Variants in SBF2 observed in about 807,000 individuals in gnomAD.
SBF2 encodes SET binding factor 2.
SBF2 carries 112 observed loss-of-function variants against 225.2 expected under a neutral mutation model. That is an observed-to-expected ratio of 0.50 (90% CI 0.43 to 0.58). The LOEUF is 0.58. SBF2 is among the 20% of genes least tolerant of loss of function. The probability of loss-of-function intolerance (pLI) is 0.00; values close to 1 mark genes in which losing one functional copy is unlikely to be tolerated. For missense variants in SBF2, 1,996 were observed against 2,206.2 expected (o/e 0.90, Z 1.91); for synonymous variants, 763 against 773.3 (o/e 0.99, Z 0.22).
intron 2 of SBF2, among the ~76,000 whole-genome samples, chr11:10,169,434 CAA>C (rs921395425): frequency 1.3e-5 from 2 of 152,206 alleles, no homozygotes; most frequent in East Asian, 1.9e-4. Flanking sequence ...TGAGAATGTG[CAA>C]AGTTTGTCTT....
chr11:10,104,173 C>T (rs1026195859), intron 2 of SBF2, among the ~76,000 whole-genome samples: 1 of 151,854 alleles, frequency 6.6e-6, no homozygotes, highest in African/African-American at 2.4e-5. Context: ...TAACTTCATC[C>T]TGTTGTGGTC....
Position 9,992,426 on chromosome 11 carries a change from GATC to G in SBF2, c.1282_1284del (p.Asp428del). ...AATAAGAGCTATACCTCATCAAAGA[GATC>G]ACAAGATCTATAAGGAGGACCTCTT... is the stretch of plus-strand genomic sequence containing the variant. On this transcript the variant is annotated inframe_deletion, in exon 12 of 40. Coordinates refer to ENST00000256190, the MANE Select transcript of SBF2 (RefSeq NM_030962.4). 6.2e-7 allele frequency: 1 copy of G among 1,612,454 alleles called. No homozygotes were observed. Among genetic ancestry groups the G allele is most frequent in the Non-Finnish European group, 8.5e-7 (1 of 1,178,944 alleles).
In SBF2 at chr11:9,809,006, A is replaced by G. The variant is rs1336558077; in HGVS notation, c.4156-4T>C. 2.5e-6 allele frequency: 4 copies of G among 1,608,740 alleles called. No individual in the cohort carries two copies. Among genetic ancestry groups the G allele is most frequent in the Middle Eastern group, 1.7e-4 (1 of 6,050 alleles). Reference sequence around the variant, plus strand: ...CCAGCTGCATTATCCTGTGAAGCTAAGAGACAGGAAGGAGAACACAATTAG... The same window carrying G: ...CCAGCTGCATTATCCTGTGAAGCTAGGAGACAGGAAGGAGAACACAATTAG... On this transcript the variant is annotated splice_region_variant and splice_polypyrimidine_tract_variant and intron_variant, in intron 30 of 39. Transcript: ENST00000256190.
chr11:9,785,893 G>T (rs777456365), intron 36 of SBF2, among the ~76,000 whole-genome samples: 34 of 151,828 alleles, frequency 2.2e-4, no homozygotes, highest in Non-Finnish European at 4.0e-4. Flanking sequence ...TTGAGACAGG[G>T]TCTCACTCTA....
chr11:10,112,549 G>A lies in SBF2; in HGVS notation c.142-69568C>T, dbSNP rs544270979. Among the ~76,000 whole-genome samples the A allele has an allele frequency of 2.4e-4, 36 of 152,294 alleles. No homozygotes were observed. In the South Asian group the frequency reaches 7.2e-3, roughly 31 times the overall value. On this transcript the variant is annotated intron_variant, in intron 2 of 39. Coordinates refer to ENST00000256190, the MANE Select transcript of SBF2 (RefSeq NM_030962.4). ...TTCTGGTATAAATTACCCAGTCTCAGGTATGTCTTTATCAGCAGTGTGAAA... is the reference window on the plus strand; with the variant it reads ...TTCTGGTATAAATTACCCAGTCTCAAGTATGTCTTTATCAGCAGTGTGAAA...
intron 32 of SBF2, among the ~76,000 whole-genome samples, chr11:9,807,057 C>G (rs541770364): frequency 1.3e-5 from 2 of 152,358 alleles, no homozygotes; most frequent in East Asian, 3.9e-4. Flanking sequence ...TTCTGCCTTT[C>G]TTTCCAATCG....
At chr11:10,124,091 A>G (rs1207587297) in intron 2 of SBF2, among the ~76,000 whole-genome samples, 1 of 152,206 alleles carries the variant, frequency 6.6e-6, no homozygotes, top group Non-Finnish European at 1.5e-5. Context: ...TTAAAAAATT[A>G]TGACTGAGAT....
At chr11:9,987,364 C>A (rs1947245872) in intron 13 of SBF2, among the ~76,000 whole-genome samples, 2 of 151,744 alleles carry the variant, frequency 1.3e-5, no homozygotes. Flanking sequence ...AGAACTGGAA[C>A]AAGTGCCCAC....
chr11:10,076,869 C>T (rs926683993), intron 2 of SBF2, among the ~76,000 whole-genome samples: 6 of 152,166 alleles, frequency 3.9e-5, no homozygotes, highest in South Asian at 2.1e-4. Flanking sequence ...TTGGGGATGC[C>T]GGAGCATGGG....
At chr11:10,032,655 T>TA (rs1251289665) in intron 3 of SBF2, among the ~76,000 whole-genome samples, 9 of 152,266 alleles carry the variant, frequency 5.9e-5, no homozygotes, top group Non-Finnish European at 1.2e-4. Context: ...TGGCATTTGT[T>TA]ACTATCCAAC....
intron 32 of SBF2, among the ~76,000 whole-genome samples, chr11:9,796,381 G>GATA (rs10659685): frequency 0.062 from 9,490 of 152,088 alleles, 805 homozygotes; most frequent in African/African-American, 0.19. Context: ...GCAATTGATA[G>GATA]ATATATATTA....
chr11:9,942,913 A>AAGAAAGAC (rs1865354459), intron 16 of SBF2, among the ~76,000 whole-genome samples: 1 of 67,236 alleles, frequency 1.5e-5, no homozygotes, highest in African/African-American at 3.9e-5. Context: ...GAAAGAAAGA[A>AAGAAAGAC]AGAAAGAAAG....
At chr11:9,950,215 C>T (rs1293890991) in intron 16 of SBF2, among the ~76,000 whole-genome samples, 1 of 151,858 alleles carries the variant, frequency 6.6e-6, no homozygotes, top group East Asian at 1.9e-4. Flanking sequence ...GCATTTAGTC[C>T]AATCTCCCTG....
At chr11:10,083,051 T>C (rs1051704584) in intron 2 of SBF2, among the ~76,000 whole-genome samples, 6 of 152,152 alleles carry the variant, frequency 3.9e-5, no homozygotes, top group Admixed American at 3.9e-4. Context: ...CAAATCAACA[T>C]ACAAAAATCA....
intron 27 of SBF2, chr11:9,829,812 G>T: frequency 2.9e-6 from 1 of 350,282 alleles, no homozygotes; most frequent in Non-Finnish European, 5.4e-6. Context: ...ACAGGGCATA[G>T]CTTCTCATTA....
rs116073812 is a variant in SBF2 at position 10,277,229 on chromosome 11, A to T, written c.55+16786T>A. ...GAGCCCGGGAGTTTGAGACCAGCCT[A>T]GGCATCACAAAGACTCTGTCTCTAA... On this transcript the variant is annotated intron_variant, in intron 1 of 39. Transcript: ENST00000256190. Among the ~76,000 whole-genome samples, 1,013 of 148,128 alleles carry T rather than the reference A, an allele frequency of 6.8e-3. 9 individuals are homozygous for T. The highest frequency in any genetic ancestry group is 0.024 in the African/African-American group (959 of 40,514).
At chr11:10,097,688 C>T (rs557707158) in intron 2 of SBF2, among the ~76,000 whole-genome samples, 11 of 152,110 alleles carry the variant, frequency 7.2e-5, no homozygotes, top group African/African-American at 2.7e-4. Flanking sequence ...ATGGCCAACA[C>T]CCCAGTAGAA....
At chr11:9,923,454 G>A (rs1863787676) in intron 16 of SBF2, among the ~76,000 whole-genome samples, 1 of 152,198 alleles carries the variant, frequency 6.6e-6, no homozygotes, top group South Asian at 2.1e-4. Context: ...CAAAAATGTG[G>A]TTAGAATGGT....
At chr11:9,829,575 C>T (rs932437817) in intron 27 of SBF2, 79 bp from the exon 28 acceptor site, 17 of 1,216,762 alleles carry the variant, frequency 1.4e-5, no homozygotes, top group Non-Finnish European at 1.8e-5. Context: ...TATCTATCTA[C>T]CTATCTATCT....
Sources: gnomAD v4.1 joint callset for allele counts (sites outside exome capture counted in the v4.1 genomes callset) on GRCh38, gnomAD v4.1.1 for gene constraint, MANE v1.5 for transcripts, NCBI Gene and HGNC (gene_info 2026-07-23, HGNC 2026-07-21) for gene names.